CFAP57: variants seen among roughly 807,000 people sequenced by gnomAD.
CFAP57 encodes the protein cilia and flagella associated protein 57.
In CFAP57, 116 loss-of-function variants were observed where a neutral mutation model predicts 146.8. That is an observed-to-expected ratio of 0.79 (90% CI 0.68 to 0.92). The LOEUF is 0.92. Among genes scored for constraint, CFAP57 ranks in the 40% least tolerant of loss-of-function variants. The pLI is 0.00. For missense variants in CFAP57, 1,377 were observed against 1,527.2 expected, an observed-to-expected ratio of 0.90 and a Z score of 1.64; for synonymous variants, 518 against 552.8, an observed-to-expected ratio of 0.94 and a Z score of 0.88.
chr1:43,206,820 C>T lies in CFAP57; in HGVS notation c.1643C>T (p.Thr548Ile). The T allele has an allele frequency of 6.2e-7, 1 of 1,614,192 alleles. No individual in the cohort carries two copies. The highest frequency in any genetic ancestry group is 8.5e-7 in the Non-Finnish European group (1 of 1,180,042). The change falls in exon 10 of 23, where the codon ACA (threonine) becomes ATA (isoleucine). Residue 548 changes from threonine to isoleucine, a missense_variant. Physicochemically the swap from Thr to Ile is moderately conservative, Grantham distance 89. Transcript: ENST00000372492. ...AATCTGTCCACAGGAAAGAGAGAGA[C>T]AGAATGCGTGCTCAAGTCTTGCAGC... is the stretch of plus-strand genomic sequence containing the variant. The part of the protein sequence containing the change: ...EWNLSTGKRE[T>I]ECVLKSCSYN...
At chr1:43,207,294 G>C (rs1023829343) in intron 10 of CFAP57, among the ~76,000 whole-genome samples, 1 of 152,096 alleles carries the variant, frequency 6.6e-6, no homozygotes, top group African/African-American at 2.4e-5. Context: ...ACCTAACTAC[G>C]GTATGCACTG....
chr1:43,227,220 T>C (rs2124584599), intron 18 of CFAP57, 94 bp downstream of exon 18: 1 of 1,337,210 alleles, frequency 7.5e-7, no homozygotes, highest in Non-Finnish European at 9.8e-7. Context: ...GAGAAGCTCT[T>C]CTCACAGTCC....
At chr1:43,227,173 T>G in intron 18 of CFAP57, 47 bp downstream of exon 18, 3 of 1,462,316 alleles carry the variant, frequency 2.1e-6, no homozygotes, top group Non-Finnish European at 2.7e-6. Context: ...CCTCTGTCTC[T>G]TCTTCCACAA....
At chr1:43,186,970 T>C in intron 6 of CFAP57, 111 bp downstream of exon 6, 1 of 1,319,572 alleles carries the variant, frequency 7.6e-7, no homozygotes, top group Non-Finnish European at 1.1e-6. Context: ...AACTCATGCA[T>C]CCCCTTAATA....
intron 6 of CFAP57, among the ~76,000 whole-genome samples, chr1:43,195,917 T>G (rs139855575): frequency 1.6e-3 from 249 of 152,324 alleles, no homozygotes; most frequent in African/African-American, 5.7e-3. Context: ...TATATGAATT[T>G]ATGATGAATC....
chr1:43,231,164 G>A (rs1645450605), intron 18 of CFAP57, among the ~76,000 whole-genome samples: 2 of 152,238 alleles, frequency 1.3e-5, no homozygotes, highest in African/African-American at 4.8e-5. Context: ...TGGGTCAGAG[G>A]GCTATTCTGT....
In CFAP57 at chr1:43,172,695, G is replaced by T. The variant is rs933466157; in HGVS notation, c.-19-40G>T. 5 of 1,607,756 alleles carry T rather than the reference G, an allele frequency of 3.1e-6. No homozygotes were observed. In the Admixed American group the frequency reaches 6.7e-5, roughly 21 times the overall value. Reference sequence around the variant, plus strand: ...GCCGGGGGCGGGGTCGGAGCGGGGCGGTGCTCTCCACTCTGAAGCGCTGCC... The same window carrying T: ...GCCGGGGGCGGGGTCGGAGCGGGGCTGTGCTCTCCACTCTGAAGCGCTGCC... On this transcript the variant is annotated intron_variant, in intron 1 of 22. Transcript: ENST00000372492.
At chr1:43,184,932 T>A in intron 4 of CFAP57, 1 of 559,022 alleles carries the variant, frequency 1.8e-6, no homozygotes, top group Middle Eastern at 5.0e-4. Context: ...CTCGCCTCTG[T>A]CTACTCCACA....
intron 8 of CFAP57, 115 bp downstream of exon 8, chr1:43,198,761 A>G (rs1643978820): frequency 5.4e-6 from 6 of 1,104,908 alleles, no homozygotes; most frequent in Non-Finnish European, 6.7e-6. Context: ...GGAGAACTAC[A>G]GTGGCTTAAA....
intron 2 of CFAP57, chr1:43,177,327 G>A (rs1645212450): frequency 2.5e-6 from 1 of 403,276 alleles, no homozygotes; most frequent in Admixed American, 2.7e-5. Flanking sequence ...GGTGGAAGCA[G>A]GAAGAAGCAA....
At position 43,186,630 on chromosome 1, in the gene CFAP57, A is replaced by G. The variant is rs866046940; in HGVS notation, c.970-77A>G. The G allele has an allele frequency of 3.6e-3, 4,594 of 1,290,470 alleles. 28 individuals carry two copies. The highest frequency in any genetic ancestry group is 5.3e-3 in the Middle Eastern group (28 of 5,240). The allele number at this position is 1,290,470 out of a possible 1,614,324, so 79.9% of individuals were successfully genotyped here. A position where few individuals can be genotyped will look rare whatever the true frequency, so the allele number is the denominator to read the frequency against. On this transcript the variant is annotated intron_variant, in intron 5 of 22. Transcript: ENST00000372492. Reference sequence around the variant, plus strand: ...CGTCTCAAAAAAAAAAAAAAAAAAAAAAAGAAAACTCTGAAAGCCTAAGGC... The same window carrying G: ...CGTCTCAAAAAAAAAAAAAAAAAAAGAAAGAAAACTCTGAAAGCCTAAGGC...
At chr1:43,216,138 T>C (rs1480325781) in intron 12 of CFAP57, among the ~76,000 whole-genome samples, 1 of 152,214 alleles carries the variant, frequency 6.6e-6, no homozygotes. Flanking sequence ...TCATTGCTGT[T>C]TGTCCAGAAT....
At chr1:43,195,350 C>T (rs1168726565) in intron 6 of CFAP57, among the ~76,000 whole-genome samples, 1 of 151,838 alleles carries the variant, frequency 6.6e-6, no homozygotes, top group Admixed American at 6.6e-5. Context: ...GGTGAAACCC[C>T]GTCTCTACTA....
intron 6 of CFAP57, among the ~76,000 whole-genome samples, chr1:43,192,068 T>G (rs1643570049): frequency 6.6e-6 from 1 of 152,152 alleles, no homozygotes. Flanking sequence ...TTGTTATTAA[T>G]TATTAATTTA....
chr1:43,219,407 C>T lies in CFAP57; in HGVS notation c.2117C>T (p.Thr706Ile). 1.9e-6 allele frequency: 3 copies of T among 1,550,646 alleles called. No individual in the cohort carries two copies. The highest frequency in any genetic ancestry group is 1.7e-4 in the Middle Eastern group (1 of 5,992). The stretch of plus-strand genomic sequence containing the variant: ...GCTCAGGTTATGTTGGAGCTAAAGA[C>T]TCGTGTGGAGGAATTAAAAATGGAG... ...EKAQVMLELK[T>I]RVEELKMENE... Residue 706 changes from threonine (T) to isoleucine (I), a missense_variant, in exon 13 of 23, where the codon ACT becomes ATT. Thr to Ile is a moderately conservative substitution (Grantham distance 89). Transcript: ENST00000372492.
At chr1:43,242,086 C>G (rs912448642) in intron 21 of CFAP57, among the ~76,000 whole-genome samples, 7 of 152,194 alleles carry the variant, frequency 4.6e-5, no homozygotes, top group Non-Finnish European at 1.0e-4. Context: ...AGGACTGTTG[C>G]AGGTCTCCCC....
chr1:43,234,398 G>A lies in CFAP57; in HGVS notation c.3246G>A (p.Val1082=). 6.5e-7 allele frequency: 1 copy of A among 1,549,370 alleles called. No homozygotes were observed. Among genetic ancestry groups the A allele is most frequent in the Non-Finnish European group, 8.7e-7 (1 of 1,146,338 alleles). Residue 1082 remains valine, a synonymous_variant, in exon 20 of 23, where the codon GTG becomes GTA. Transcript: ENST00000372492. ...TTCGAGGTCTCTTTGAGAAGTACGT[G>A]CAGCGAGCAGACATGGTAAGCTCAG... ...EKVRGLFEKY[V]QRADMVEIAG...
intron 2 of CFAP57, among the ~76,000 whole-genome samples, chr1:43,176,382 G>C (rs1645172130): frequency 6.6e-6 from 1 of 152,190 alleles, no homozygotes; most frequent in Admixed American, 6.5e-5. Context: ...CACTGACCAA[G>C]TCTAAGGGTA....
At chr1:43,206,664 T>C in intron 9 of CFAP57, 56 bp from the exon 10 acceptor site, 2 of 1,577,538 alleles carry the variant, frequency 1.3e-6, no homozygotes, top group Non-Finnish European at 1.7e-6. Context: ...CCCTTTTCTG[T>C]GTTAGGGTGT....
Sources: gnomAD v4.1 joint callset for allele counts (sites outside exome capture counted in the v4.1 genomes callset) on GRCh38, gnomAD v4.1.1 for gene constraint, MANE v1.5 for transcripts, NCBI Gene and HGNC (gene_info 2026-07-23, HGNC 2026-07-21) for gene names.